COX4I1: variants seen among roughly 807,000 people sequenced by gnomAD.
COX4I1 encodes cytochrome c oxidase subunit 4 isoform 1, mitochondrial.
In COX4I1, 18 loss-of-function variants were observed where a neutral mutation model predicts 21.7. The ratio of observed to expected loss-of-function variants is 0.83; its 90% confidence interval spans 0.57 to 1.23. The LOEUF (loss-of-function observed/expected upper bound fraction) is 1.23, where lower values mean the gene tolerates loss of function less well. COX4I1 is among the 50% of genes most tolerant of loss of function. COX4I1 has a pLI of 0.00. For missense variants in COX4I1, 238 were observed against 220.7 expected, an observed-to-expected ratio of 1.08 and a Z score of -0.50; for synonymous variants, 100 against 81.5, an observed-to-expected ratio of 1.23 and a Z score of -1.23.
At position 85,805,052 on chromosome 16, in the gene COX4I1, G is replaced by A. The variant is rs1906076907; in HGVS notation, c.189G>A (p.Lys63=). 1 of 1,613,602 alleles carries A rather than the reference G, an allele frequency of 6.2e-7. No individual in the cohort carries two copies. The highest frequency in any genetic ancestry group is 1.1e-5 in the South Asian group (1 of 91,066). Residue 63 remains lysine (K), a synonymous_variant, in exon 3 of 5, where the codon AAG becomes AAA. Transcript: ENST00000253452. ...TGTCTGCCAGCCAGAAGGCATTGAA[G>A]GAGAAGGAGAAGGCCTCCTGGAGCA... The part of the protein sequence containing the change: ...KHLSASQKAL[K]EKEKASWSSL...
intron 2 of COX4I1, among the ~76,000 whole-genome samples, 182 bp downstream of exon 2, chr16:85,801,460 A>T (rs1465644113): frequency 6.6e-6 from 1 of 152,154 alleles, no homozygotes; most frequent in African/African-American, 2.4e-5. Flanking sequence ...AGTCAAATTG[A>T]ATCTCTTCTG....
At chr16:85,804,766 G>T in intron 2 of COX4I1, 171 bp from the exon 3 acceptor site, 1 of 589,100 alleles carries the variant, frequency 1.7e-6, no homozygotes, top group African/African-American at 1.9e-5. Flanking sequence ...AAGTGCTTCT[G>T]TTCCCCCTCC....
chr16:85,803,377 T>A (rs774873444), intron 2 of COX4I1: 2 of 152,266 alleles, frequency 1.3e-5, no homozygotes, highest in East Asian at 3.8e-4. Context: ...TACGACTTGC[T>A]TAAAGCTGAA....
In COX4I1 at chr16:85,801,290, T is replaced by G; in HGVS notation, c.73+12T>G. 3 of 1,601,022 alleles carry G rather than the reference T, an allele frequency of 1.9e-6. No individual in the cohort carries two copies. The highest frequency in any genetic ancestry group is 2.6e-6 in the Non-Finnish European group (3 of 1,168,932). Reference sequence around the variant, plus strand: ...TGTACGAGCTCATGGTAAGTGTGACTTTTCTTACTTTTAAATAGGCTGAAC... The same window carrying G: ...TGTACGAGCTCATGGTAAGTGTGACGTTTCTTACTTTTAAATAGGCTGAAC... On this transcript the variant is annotated intron_variant, in intron 2 of 4. Transcript: ENST00000253452.
intron 2 of COX4I1, among the ~76,000 whole-genome samples, chr16:85,801,943 T>G (rs1210172923): frequency 2.6e-5 from 4 of 152,088 alleles, no homozygotes; most frequent in African/African-American, 9.7e-5. Context: ...AGACAGTGTT[T>G]TATTAAGAGA....
At chr16:85,803,060 C>G (rs1336827439) in intron 2 of COX4I1, 1 of 152,160 alleles carries the variant, frequency 6.6e-6, no homozygotes, top group Non-Finnish European at 1.5e-5. Flanking sequence ...ACAGTCAGTT[C>G]TAGAACATTC....
chr16:85,802,488 A>T (rs1369509504), intron 2 of COX4I1, among the ~76,000 whole-genome samples: 1 of 152,258 alleles, frequency 6.6e-6, no homozygotes, highest in Non-Finnish European at 1.5e-5. Context: ...CTCTTAGACA[A>T]GTCTTCTCTG....
chr16:85,803,458 G>C (rs1227203180), intron 2 of COX4I1: 2 of 152,238 alleles, frequency 1.3e-5, no homozygotes, highest in African/African-American at 4.8e-5. Context: ...TTGAAGCATT[G>C]TTGCGGGCAT....
intron 1 of COX4I1, among the ~76,000 whole-genome samples, chr16:85,800,532 C>G (rs1053850324): frequency 6.6e-6 from 1 of 152,232 alleles, no homozygotes; most frequent in Non-Finnish European, 1.5e-5. Flanking sequence ...CACCTCCCCC[C>G]ACCGCTCCCT....
chr16:85,806,245 G>A, intron 4 of COX4I1: 2 of 596,786 alleles, frequency 3.4e-6, no homozygotes, highest in Non-Finnish European at 5.9e-6. Context: ...TGTGAGGACT[G>A]CATCTCAACA....
chr16:85,801,044 C>T (rs1240663782), intron 1 of COX4I1, 161 bp from the exon 2 acceptor site: 2 of 565,268 alleles, frequency 3.5e-6, no homozygotes, highest in East Asian at 2.7e-5. Context: ...AAAACCTCAT[C>T]CTAGGTCATT....
intron 1 of COX4I1, among the ~76,000 whole-genome samples, chr16:85,800,549 T>C (rs1297094294): frequency 1.3e-5 from 2 of 152,222 alleles, no homozygotes; most frequent in African/African-American, 2.4e-5. Flanking sequence ...CCCTGAAGAA[T>C]GGAGTCTGTC....
chr16:85,806,425 A>G, intron 4 of COX4I1: 1 of 557,446 alleles, frequency 1.8e-6, no homozygotes, highest in South Asian at 1.6e-5. Context: ...ATGTGGGTTA[A>G]TAACAGACCC....
chr16:85,804,849 T>G, intron 2 of COX4I1, 88 bp from the exon 3 acceptor site: 4 of 1,199,286 alleles, frequency 3.3e-6, no homozygotes, highest in Non-Finnish European at 4.7e-6. Context: ...GGCGTGCACA[T>G]GTCTGTGTTT....
At chr16:85,802,191 C>T (rs1328587420) in intron 2 of COX4I1, among the ~76,000 whole-genome samples, 1 of 152,234 alleles carries the variant, frequency 6.6e-6, no homozygotes, top group Non-Finnish European at 1.5e-5. Flanking sequence ...TCCATTCCTC[C>T]CGTAGAGCCC....
At chr16:85,805,893 G>A (rs761228315) in intron 4 of COX4I1, 29 bp downstream of exon 4, 12 of 1,613,248 alleles carry the variant, frequency 7.4e-6, no homozygotes, top group African/African-American at 2.7e-5. Context: ...AGGCATGGGC[G>A]CCTGGACTGG....
At chr16:85,806,323 A>T in intron 4 of COX4I1, 2 of 620,924 alleles carry the variant, frequency 3.2e-6, no homozygotes, top group South Asian at 1.9e-5. Flanking sequence ...GCTCGTGGTA[A>T]TGACTCTTCC....
chr16:85,804,630 A>G lies in COX4I1; in HGVS notation c.74-307A>G, dbSNP rs144923867. ...CTGGGCCTCCCAAAGTGCTGGGATTACAGGTGTGAGCCACCGCGCCCAGCC... is the reference window on the plus strand; with the variant it reads ...CTGGGCCTCCCAAAGTGCTGGGATTGCAGGTGTGAGCCACCGCGCCCAGCC... On this transcript the variant is annotated intron_variant, in intron 2 of 4. Coordinates refer to ENST00000253452, the MANE Select transcript of COX4I1 (RefSeq NM_001861.6). 3.1e-3 allele frequency: 678 copies of G among 220,144 alleles called. 7 individuals are homozygous for G. Among genetic ancestry groups the G allele is most frequent in the African/African-American group, 0.015 (657 of 43,474 alleles). The allele number at this position is 220,144 out of a possible 1,614,324, so 13.6% of individuals were successfully genotyped here. A position where few individuals can be genotyped will look rare whatever the true frequency, so the allele number is the denominator to read the frequency against.
At chr16:85,805,592 T>A (rs1906127183) in intron 3 of COX4I1, 141 bp from the exon 4 acceptor site, 1 of 1,231,268 alleles carries the variant, frequency 8.1e-7, no homozygotes, top group South Asian at 1.4e-5. Context: ...TGCGTGAACA[T>A]GATGTGGCCT....
Sources: allele counts gnomAD v4.1 joint callset (sites outside exome capture counted in the v4.1 genomes callset), GRCh38; gene constraint gnomAD v4.1.1; transcripts MANE v1.5; gene names NCBI Gene and HGNC (gene_info 2026-07-23, HGNC 2026-07-21).